The following LYSMD3 variants were observed in gnomAD, a reference collection of about 807,000 sequenced individuals.
LYSMD3 encodes lysM and putative peptidoglycan-binding domain-containing protein 3.
In LYSMD3, 13 loss-of-function variants were observed where a neutral mutation model predicts 26.1. The ratio of observed to expected loss-of-function variants is 0.50; its 90% CI spans 0.32 to 0.79. LYSMD3 has a LOEUF of 0.79. Among genes scored for constraint, LYSMD3 ranks in the 30% least tolerant of loss-of-function variants. LYSMD3 has a pLI of 0.03. For synonymous variants in LYSMD3, 109 were observed against 119.4 expected (o/e 0.91, Z 0.57); for missense variants, 331 against 362.5 (o/e 0.91, Z 0.71).
Position 90,519,052 on chromosome 5 carries a change from T to C in LYSMD3, c.688A>G (p.Ile230Val). ...TAVVIMLIVG[I>V]ITPVFYLLYY... ...AACAAATAAAACACTGGTGTTATTA[T>C]ACCTACTATCAACATTATCACTACA... The change falls in exon 3 of 3, where the codon ATA (isoleucine) becomes GTA (valine). Residue 230 changes from isoleucine (I) to valine (V), a missense_variant. Ile to Val is a conservative substitution (Grantham distance 29). Around this residue, in one of 3 missense-constraint regions of LYSMD3, gnomAD observed 8 missense variants for 28.4 expected, o/e 0.28. Transcript: ENST00000315948. The C allele has an allele frequency of 6.2e-7, 1 of 1,614,120 alleles. No individual in the cohort carries two copies. The highest frequency in any genetic ancestry group is 8.5e-7 in the Non-Finnish European group (1 of 1,179,956).
intron 2 of LYSMD3, among the ~76,000 whole-genome samples, chr5:90,519,797 C>T (rs1384913591): frequency 6.6e-6 from 1 of 151,916 alleles, no homozygotes; most frequent in Non-Finnish European, 1.5e-5. Flanking sequence ...ATACCACAGT[C>T]CTTCTGCTTG....
At position 90,516,746 on chromosome 5, in the gene LYSMD3, A is replaced by G. The variant is rs1752961581; in HGVS notation, c.*2073T>C. 6.6e-6 allele frequency: 1 copy of G among 152,502 alleles called. No homozygotes were observed. Among genetic ancestry groups the G allele is most frequent in the Non-Finnish European group, 1.5e-5 (1 of 67,902 alleles). 9.4% of individuals were successfully genotyped at this position (152,502 alleles called of 1,614,324 possible). On this transcript the variant is annotated 3_prime_UTR_variant, in exon 3 of 3. Transcript: ENST00000315948. ...AAAAAAGAAAACTACCTGATGTGTT[A>G]TAAGGATGTATATTTCCTTCAAAAA...
intron 1 of LYSMD3, among the ~76,000 whole-genome samples, chr5:90,525,945 T>C (rs1268540991): frequency 2.6e-5 from 4 of 152,172 alleles, no homozygotes; most frequent in Non-Finnish European, 4.4e-5. Context: ...CTATAAAATA[T>C]TACATTAAAT....
At chr5:90,520,097 C>A (rs1319731775) in intron 2 of LYSMD3, among the ~76,000 whole-genome samples, 1 of 152,126 alleles carries the variant, frequency 6.6e-6, no homozygotes, top group Non-Finnish European at 1.5e-5. Flanking sequence ...GAAGCCATTT[C>A]CCTCCCAAAC....
chr5:90,523,440 G>A (rs1753141240), intron 2 of LYSMD3, among the ~76,000 whole-genome samples: 1 of 151,798 alleles, frequency 6.6e-6, no homozygotes, highest in African/African-American at 2.4e-5. Flanking sequence ...TAAACTTATA[G>A]ACATGTGTGT....
rs755821231 is a variant in LYSMD3, at chr5:90,525,307, GA to G, written c.-11-8del. The stretch of plus-strand genomic sequence containing the variant: ...CCTGCCATAATGTTAAAATCTGGAG[GA>G]AAAAAAAAGCAGAGAAAATTTTGGA... On this transcript the variant is annotated splice_polypyrimidine_tract_variant and splice_region_variant and intron_variant, in intron 1 of 2. Transcript: ENST00000315948. The G allele has an allele frequency of 2.9e-5, 45 of 1,540,974 alleles. No individual in the cohort carries two copies. Among genetic ancestry groups the G allele is most frequent in the Middle Eastern group, 1.7e-4 (1 of 5,728 alleles).
At chr5:90,521,023 A>G (rs1753077796) in intron 2 of LYSMD3, among the ~76,000 whole-genome samples, 1 of 152,174 alleles carries the variant, frequency 6.6e-6, no homozygotes, top group African/African-American at 2.4e-5. Flanking sequence ...AAGAACTCCA[A>G]CATTTGATGG....
rs1183900416 is a variant in LYSMD3, at chr5:90,519,226, C to A, written c.514G>T (p.Val172Leu). 1.9e-6 allele frequency: 3 copies of A among 1,613,904 alleles called. No homozygotes were observed. Among genetic ancestry groups the A allele is most frequent in the East Asian group, 2.2e-5 (1 of 44,868 alleles). Residue 172 changes from valine to leucine, a missense_variant, in exon 3 of 3, where the codon GTA becomes TTA. Around this residue, in one of 3 missense-constraint regions of LYSMD3, gnomAD observed 262 missense variants for 267.3 expected, o/e 0.98. Transcript: ENST00000315948. ...TCTCTCTTATTGTCTGTACACTTTA[C>A]TATTTGTTCTATGTCTCGGTCTACT... ...KEVDRDIEQI[V>L]KCTDNKRENL...
At chr5:90,522,215 G>A (rs1211642904) in intron 2 of LYSMD3, among the ~76,000 whole-genome samples, 3 of 152,162 alleles carry the variant, frequency 2.0e-5, no homozygotes, top group Non-Finnish European at 4.4e-5. Context: ...TCCTGCTCCA[G>A]CCATGTGAAA....
In LYSMD3 at chr5:90,519,215, T is replaced by C. The variant is rs774922942; in HGVS notation, c.525A>G (p.Thr175=). ...DRDIEQIVKC[T]DNKRENLNEV... Reference sequence around the variant, plus strand: ...CATTGAGGTTCTCTCTCTTATTGTCTGTACACTTTACTATTTGTTCTATGT... The same window carrying C: ...CATTGAGGTTCTCTCTCTTATTGTCCGTACACTTTACTATTTGTTCTATGT... The change falls in exon 3 of 3, where the codon ACA becomes ACG. Residue 175 remains threonine (T), a synonymous_variant. Coordinates refer to ENST00000315948, the MANE Select transcript of LYSMD3 (RefSeq NM_198273.2). 1.2e-6 allele frequency: 2 copies of C among 1,613,916 alleles called. No individual in the cohort carries two copies. Among genetic ancestry groups the C allele is most frequent in the Non-Finnish European group, 1.7e-6 (2 of 1,179,994 alleles).
At position 90,516,587 on chromosome 5, in the gene LYSMD3, AATGT is replaced by A. The variant is rs1370242377; in HGVS notation, c.*2228_*2231del. On this transcript the variant is annotated 3_prime_UTR_variant, in exon 3 of 3. Coordinates refer to ENST00000315948, the MANE Select transcript of LYSMD3 (RefSeq NM_198273.2). The stretch of plus-strand genomic sequence containing the variant: ...CTTTTTAGAAACTAAAATTATTCCA[AATGT>A]ATTAAATGCTTAGAAAATTCATTTC... 6.6e-6 allele frequency: 1 copy of A among 152,182 alleles called. No individual in the cohort carries two copies. Among genetic ancestry groups the A allele is most frequent in the African/African-American group, 2.4e-5 (1 of 41,460 alleles). 9.4% of individuals were successfully genotyped at this position (152,182 alleles called of 1,614,324 possible).
At chr5:90,527,939 G>C (rs1389168644) in intron 1 of LYSMD3, among the ~76,000 whole-genome samples, 2 of 152,148 alleles carry the variant, frequency 1.3e-5, no homozygotes, top group African/African-American at 2.4e-5. Flanking sequence ...ATAACTAATA[G>C]CTATATGTTA....
chr5:90,522,485 C>T (rs958362301), intron 2 of LYSMD3, among the ~76,000 whole-genome samples: 5 of 152,148 alleles, frequency 3.3e-5, no homozygotes, highest in Admixed American at 1.3e-4. Flanking sequence ...CCTGTGATTT[C>T]CCCCAATACA....
chr5:90,518,141 A>C lies in LYSMD3; in HGVS notation c.*678T>G, dbSNP rs1438869990. 1 of 152,212 alleles carries C rather than the reference A, an allele frequency of 6.6e-6. No individual in the cohort carries two copies. Among genetic ancestry groups the C allele is most frequent in the Non-Finnish European group, 1.5e-5 (1 of 67,990 alleles). 9.4% of individuals were successfully genotyped at this position (152,212 alleles called of 1,614,324 possible). On this transcript the variant is annotated 3_prime_UTR_variant, in exon 3 of 3. Transcript: ENST00000315948. ...TGAGGTTAAAGGGTCTGTCCTAAAG[A>C]AAGCATTCTTAAGACAAAAATTACT...
In LYSMD3 at chr5:90,519,171, G is replaced by C. The variant is rs752623555; in HGVS notation, c.569C>G (p.Thr190Arg). The change falls in exon 3 of 3, where the codon ACA becomes AGA. Residue 190 changes from threonine (T) to arginine (R), a missense_variant. Around this residue, in one of 3 missense-constraint regions of LYSMD3, gnomAD observed 262 missense variants for 267.3 expected, o/e 0.98. Transcript: ENST00000315948. ...AGGTTCAAAACGCATTTGTTGTGCTGTTAAGGCCGATACTACCTCATTGAG... is the reference window on the plus strand; with the variant it reads ...AGGTTCAAAACGCATTTGTTGTGCTCTTAAGGCCGATACTACCTCATTGAG... The part of the protein sequence containing the change: ...ENLNEVVSAL[T>R]AQQMRFEPDN... The C allele has an allele frequency of 1.1e-5, 17 of 1,613,976 alleles. No individual in the cohort carries two copies. The East Asian group carries it at 3.6e-4, about 34-fold the overall frequency.
chr5:90,523,005 C>G (rs1753129683), intron 2 of LYSMD3, among the ~76,000 whole-genome samples: 1 of 152,146 alleles, frequency 6.6e-6, no homozygotes, highest in African/African-American at 2.4e-5. Context: ...GAATCACAAA[C>G]TCTCCTCTCG....
intron 2 of LYSMD3, among the ~76,000 whole-genome samples, chr5:90,521,004 T>G (rs1753077420): frequency 6.6e-6 from 1 of 151,442 alleles, no homozygotes; most frequent in Admixed American, 6.6e-5. Flanking sequence ...AGCAACAAGA[T>G]CATCCCTGAA....
intron 1 of LYSMD3, among the ~76,000 whole-genome samples, chr5:90,525,774 A>G (rs1005174217): frequency 6.6e-6 from 1 of 152,182 alleles, no homozygotes; most frequent in Non-Finnish European, 1.5e-5. Context: ...ACAACTGTTA[A>G]AGTAGAACAA....
At chr5:90,525,794 G>A (rs560029959) in intron 1 of LYSMD3, among the ~76,000 whole-genome samples, 1 of 152,230 alleles carries the variant, frequency 6.6e-6, no homozygotes, top group East Asian at 1.9e-4. Flanking sequence ...AACGTATTTG[G>A]CAGTGGAGAC....
Sources: allele counts gnomAD v4.1 joint callset (sites outside exome capture counted in the v4.1 genomes callset), GRCh38; gene constraint gnomAD v4.1.1; regional missense constraint gnomAD v4.1.1; transcripts MANE v1.5; gene names NCBI Gene and HGNC (gene_info 2026-07-23, HGNC 2026-07-21).